Variants in SNX5 observed in about 807,000 individuals in gnomAD.
SNX5 encodes sorting nexin 5.
In SNX5, 31 loss-of-function variants were observed where a neutral mutation model predicts 53.9. The ratio of observed to expected loss-of-function variants is 0.58; its 90% CI spans 0.43 to 0.78. The LOEUF (loss-of-function observed/expected upper bound fraction) is 0.78, where lower values mean the gene tolerates loss of function less well. Among genes scored for constraint, SNX5 ranks in the 30% least tolerant of loss-of-function variants. SNX5 has a pLI of 0.00. For missense variants in SNX5, 471 were observed against 478.8 expected (o/e 0.98, Z 0.15); for synonymous variants, 168 against 171.1 (o/e 0.98, Z 0.14).
At chr20:17,949,497 C>A (rs1180775478) in intron 8 of SNX5, among the ~76,000 whole-genome samples, 1 of 152,158 alleles carries the variant, frequency 6.6e-6, no homozygotes. Context: ...AGTAGTATCA[C>A]CTGTTTTGCC....
chr20:17,955,256 GAAAT>G (rs2035333728), intron 3 of SNX5, 105 bp downstream of exon 3: 1 of 725,000 alleles, frequency 1.4e-6, no homozygotes, highest in East Asian at 2.7e-5. Context: ...GTAGGTAGAT[GAAAT>G]CTAACTTTTC....
chr20:17,953,807 T>G (rs892248815), intron 4 of SNX5, among the ~76,000 whole-genome samples, 189 bp downstream of exon 4: 8 of 152,228 alleles, frequency 5.3e-5, no homozygotes, highest in Admixed American at 5.2e-4. Context: ...AATGAATCAA[T>G]GTGTGAAGTA....
intron 1 of SNX5, chr20:17,961,820 T>C: frequency 1.0e-6 from 1 of 985,452 alleles, no homozygotes; most frequent in Non-Finnish European, 1.2e-6. Flanking sequence ...AAATCATCGA[T>C]GATTCTTAGC....
chr20:17,942,969 G>A, intron 12 of SNX5, 141 bp downstream of exon 12: 1 of 618,090 alleles, frequency 1.6e-6, no homozygotes, highest in East Asian at 2.7e-5. Context: ...TAAACAATGA[G>A]TGGCTCCCAT....
chr20:17,965,828 A>G (rs1004343226), intron 1 of SNX5, among the ~76,000 whole-genome samples: 2 of 152,160 alleles, frequency 1.3e-5, no homozygotes, highest in Admixed American at 6.5e-5. Context: ...GATACGTCAT[A>G]CTTCCTCAAC....
rs915107938 is a variant in SNX5, at chr20:17,968,494, G to C, written c.-69C>G. The stretch of plus-strand genomic sequence containing the variant: ...AAGAAGAAGCTGGGCCGCCGCCGCC[G>C]CCGCCTGGGCGCCTCTCGGGGGCGG... On this transcript the variant is annotated 5_prime_UTR_variant, in exon 1 of 13. Coordinates refer to ENST00000377759, the MANE Select transcript of SNX5 (RefSeq NM_014426.4). The C allele has an allele frequency of 1.5e-5, 19 of 1,266,518 alleles. No homozygotes were observed. The Middle Eastern group carries it at 1.2e-3, about 81-fold the overall frequency. The allele number at this position is 1,266,518 out of a possible 1,614,324, so 78.5% of individuals were successfully genotyped here. A position where few individuals can be genotyped will look rare whatever the true frequency, so the allele number is the denominator to read the frequency against.
intron 4 of SNX5, 100 bp from the exon 5 acceptor site, chr20:17,952,810 A>G: frequency 7.3e-7 from 1 of 1,368,980 alleles, no homozygotes; most frequent in Non-Finnish European, 9.9e-7. Context: ...GCCACCACAT[A>G]AAACACTGCA....
rs987268332 is a variant in SNX5 at position 17,960,675 on chromosome 20, G to A, written c.52-3638C>T. On this transcript the variant is annotated intron_variant, in intron 1 of 12. Transcript: ENST00000377759. ...GCCTGTAATCCCAGCTACTCAGGAG[G>A]CTGAGGCAGAAGAACTGCTTGAACT... is the stretch of plus-strand genomic sequence containing the variant. 1.3e-4 allele frequency among the ~76,000 whole-genome samples: 20 copies of A among 151,866 alleles called. No homozygotes were observed. The South Asian group carries it at 3.1e-3, about 24-fold the overall frequency.
At chr20:17,956,004 C>T (rs2035347208) in intron 2 of SNX5, among the ~76,000 whole-genome samples, 1 of 152,152 alleles carries the variant, frequency 6.6e-6, no homozygotes, top group Non-Finnish European at 1.5e-5. Context: ...CCATGTTGCC[C>T]AGGCTCAAAC....
In SNX5 at chr20:17,952,729, A is replaced by G. The variant is rs199562736; in HGVS notation, c.390-19T>C. On this transcript the variant is annotated intron_variant, in intron 4 of 12. Coordinates refer to ENST00000377759, the MANE Select transcript of SNX5 (RefSeq NM_014426.4). ...ATACTCACTGAAAAGAGATGTGCACATGGCATTCAGTTGACACAGCTCAAC... is the reference window on the plus strand; with the variant it reads ...ATACTCACTGAAAAGAGATGTGCACGTGGCATTCAGTTGACACAGCTCAAC... 2.5e-6 allele frequency: 4 copies of G among 1,611,222 alleles called. No individual in the cohort carries two copies. Among genetic ancestry groups the G allele is most frequent in the Non-Finnish European group, 3.4e-6 (4 of 1,178,848 alleles).
At position 17,961,318 on chromosome 20, in the gene SNX5, C is replaced by T. The variant is rs1035020609; in HGVS notation, c.52-4281G>A. On this transcript the variant is annotated intron_variant, in intron 1 of 12. Coordinates refer to ENST00000377759, the MANE Select transcript of SNX5 (RefSeq NM_014426.4). The stretch of plus-strand genomic sequence containing the variant: ...AATGGCTTACAGAGGGCAAAGGGCA[C>T]CTGGATGACTGAACAACACAAAAGG... The T allele has an allele frequency of 1.0e-5, 10 of 985,248 alleles. No individual in the cohort carries two copies. In the African/African-American group the frequency reaches 1.4e-4, roughly 14 times the overall value. 61.0% of individuals were successfully genotyped at this position (985,248 alleles called of 1,614,324 possible). A position where few individuals can be genotyped will look rare whatever the true frequency, so the allele number is the denominator to read the frequency against.
intron 1 of SNX5, among the ~76,000 whole-genome samples, chr20:17,957,354 G>T (rs1396956802): frequency 6.7e-6 from 1 of 150,278 alleles, no homozygotes. Flanking sequence ...AGAATGGCCT[G>T]AACACTGGAG....
intron 1 of SNX5, among the ~76,000 whole-genome samples, chr20:17,958,003 A>C (rs1482378268): frequency 6.4e-5 from 1 of 15,700 alleles, no homozygotes; most frequent in Non-Finnish European, 1.2e-4. Context: ...TCTGCCCGTC[A>C]AAAAAAAAAA....
chr20:17,959,424 G>T lies in SNX5; in HGVS notation c.52-2387C>A, dbSNP rs189159121. Among the ~76,000 whole-genome samples the T allele has an allele frequency of 2.4e-3, 360 of 152,214 alleles. 4 individuals are homozygous for T. The highest frequency in any genetic ancestry group is 3.3e-3 in the Non-Finnish European group (225 of 68,024). ...AAGACAAAAAGAAGAAAACCACTAG[G>T]TTATGAGTGACTGCAACCACAGCAT... On this transcript the variant is annotated intron_variant, in intron 1 of 12. Transcript: ENST00000377759.
chr20:17,960,832 G>C (rs1284439719), intron 1 of SNX5, among the ~76,000 whole-genome samples: 2 of 150,734 alleles, frequency 1.3e-5, no homozygotes, highest in African/African-American at 4.9e-5. Flanking sequence ...TGAGCAAAAC[G>C]GTGAGACCTC....
At chr20:17,953,871 G>A (rs762531208) in intron 4 of SNX5, 125 bp downstream of exon 4, 146 of 755,566 alleles carry the variant, frequency 1.9e-4, no homozygotes, top group Admixed American at 6.4e-4. Flanking sequence ...AGAAAACGAC[G>A]CTAGGGACCT....
At chr20:17,948,829 A>C (rs752949838) in intron 10 of SNX5, 61 bp downstream of exon 10, 8 of 1,355,772 alleles carry the variant, frequency 5.9e-6, no homozygotes, top group Non-Finnish European at 8.3e-6. Flanking sequence ...GTATAAAGAA[A>C]CTTTTTAAAC....
chr20:17,967,102 A>G (rs2035552695), intron 1 of SNX5, among the ~76,000 whole-genome samples: 1 of 152,144 alleles, frequency 6.6e-6, no homozygotes, highest in African/African-American at 2.4e-5. Context: ...GGTGGAAGTC[A>G]TTTTAAAAAC....
At chr20:17,943,520 G>T in intron 11 of SNX5, 1 of 259,134 alleles carries the variant, frequency 3.9e-6, no homozygotes, top group Non-Finnish European at 7.5e-6. Flanking sequence ...AACAGGGCTG[G>T]AGTATGGGTG....
Sources: allele counts gnomAD v4.1 joint callset (sites outside exome capture counted in the v4.1 genomes callset), GRCh38; gene constraint gnomAD v4.1.1; transcripts MANE v1.5; gene names NCBI Gene and HGNC (gene_info 2026-07-23, HGNC 2026-07-21).